Variants in BMAL1 observed in about 807,000 individuals in gnomAD.
BMAL1 encodes the protein basic helix-loop-helix ARNT like 1, also known as basic helix-loop-helix ARNT-like protein 1.
chr11:13,376,694 CCACAG>C, the BMAL1 span: 1 of 1,614,080 alleles, frequency 6.2e-7, no homozygotes, highest in Non-Finnish European at 8.5e-7. Context: ...CAGCATCCCC[CCACAG>C]CATGGACAGC....
the BMAL1 span, among the ~76,000 whole-genome samples, chr11:13,383,162 C>T: frequency 6.6e-6 from 1 of 152,132 alleles, no homozygotes; most frequent in Non-Finnish European, 1.5e-5. Flanking sequence ...AACCATTTAG[C>T]CTGCAGTTGT....
At chr11:13,355,084 A>G in the BMAL1 span, 1 of 637,754 alleles carries the variant, frequency 1.6e-6, no homozygotes, top group Non-Finnish European at 2.8e-6. Context: ...GCAGTGTAGA[A>G]TATTCAAAGG....
At chr11:13,372,848 AAAT>A in the BMAL1 span, among the ~76,000 whole-genome samples, 44 of 152,286 alleles carry the variant, frequency 2.9e-4, no homozygotes, top group East Asian at 8.5e-3. Flanking sequence ...CTCTGTTAAA[AAAT>A]GAGATTCAAT....
the BMAL1 span, among the ~76,000 whole-genome samples, chr11:13,281,753 A>G: frequency 2.0e-5 from 3 of 152,098 alleles, no homozygotes; most frequent in Admixed American, 1.3e-4. Context: ...CAAGTGACCC[A>G]CCTGCACTGG....
chr11:13,348,369 A>C, the BMAL1 span, among the ~76,000 whole-genome samples: 1 of 152,128 alleles, frequency 6.6e-6, no homozygotes, highest in African/African-American at 2.4e-5. Context: ...GGAACAGTGA[A>C]GCTATTGCAG....
chr11:13,372,720 G>A, the BMAL1 span, among the ~76,000 whole-genome samples: 4 of 152,220 alleles, frequency 2.6e-5, no homozygotes, highest in Non-Finnish European at 5.9e-5. Flanking sequence ...TGAAGCAGGA[G>A]GATCAGCTGA....
the BMAL1 span, among the ~76,000 whole-genome samples, chr11:13,341,472 A>G: frequency 6.6e-6 from 1 of 152,170 alleles, no homozygotes; most frequent in Admixed American, 6.5e-5. Flanking sequence ...CCCTGAGTCC[A>G]GCCCCTGCTG....
the BMAL1 span, chr11:13,277,634 C>G: frequency 6.6e-6 from 1 of 151,574 alleles, no homozygotes; most frequent in Non-Finnish European, 1.5e-5. Flanking sequence ...GGGACCGGCT[C>G]CCTTCGGGCG....
At chr11:13,346,887 G>C in the BMAL1 span, among the ~76,000 whole-genome samples, 1 of 152,162 alleles carries the variant, frequency 6.6e-6, no homozygotes, top group Admixed American at 6.5e-5. Context: ...GCCCACCCTC[G>C]GCAAGGATAC....
At chr11:13,284,098 GTGTGTGTGTGTGTATATATA>G in the BMAL1 span, among the ~76,000 whole-genome samples, 4 of 87,912 alleles carry the variant, frequency 4.6e-5, no homozygotes, top group African/African-American at 1.4e-4. Flanking sequence ...GTGTGTGTGT[GTGTGTGTGTGTGTATATATA>G]TGTGTGTGTG....
chr11:13,364,206 A>G, the BMAL1 span, among the ~76,000 whole-genome samples: 2 of 152,224 alleles, frequency 1.3e-5, no homozygotes, highest in African/African-American at 4.8e-5. Flanking sequence ...TGGTGCTTGG[A>G]AAGTTACTTC....
At chr11:13,314,655 C>T in the BMAL1 span, among the ~76,000 whole-genome samples, 2 of 152,284 alleles carry the variant, frequency 1.3e-5, no homozygotes, top group African/African-American at 4.8e-5. Context: ...ATGAGGTCCA[C>T]CCACCTTGGT....
chr11:13,376,755 G>T, the BMAL1 span: 1 of 1,606,200 alleles, frequency 6.2e-7, no homozygotes. Flanking sequence ...GGGGCCCTGG[G>T]GCTTGCCCGT....
the BMAL1 span, chr11:13,358,602 G>T: frequency 6.3e-7 from 1 of 1,578,772 alleles, no homozygotes. Context: ...GTGAGACCCT[G>T]GGCTCTATTG....
chr11:13,365,726 A>G, the BMAL1 span: 1 of 631,878 alleles, frequency 1.6e-6, no homozygotes, highest in East Asian at 2.9e-5. Context: ...CTTAACAGAT[A>G]AATTAATTTA....
At chr11:13,276,722 T>C in the BMAL1 span, 1 of 152,166 alleles carries the variant, frequency 6.6e-6, no homozygotes, top group Non-Finnish European at 1.5e-5. Flanking sequence ...TGTCCTTCTA[T>C]TCAGGGAGTT....
chr11:13,314,276 GTCTC>G, the BMAL1 span, among the ~76,000 whole-genome samples: 1 of 109,744 alleles, frequency 9.1e-6, no homozygotes, highest in African/African-American at 3.3e-5. Flanking sequence ...CACACACTCT[GTCTC>G]TCTCTCTCTG....
the BMAL1 span, among the ~76,000 whole-genome samples, chr11:13,346,726 C>T: frequency 2.7e-4 from 41 of 152,312 alleles, no homozygotes; most frequent in East Asian, 6.0e-3. Context: ...CTTTCTCTGG[C>T]GGTCCAGCAT....
the BMAL1 span, among the ~76,000 whole-genome samples, chr11:13,356,060 C>T: frequency 0.042 from 6,458 of 152,196 alleles, 209 homozygotes; most frequent in East Asian, 0.14. Flanking sequence ...CAGGATGCAA[C>T]GAAACTTGGT....
Sources: gnomAD v4.1 joint callset for allele counts (sites outside exome capture counted in the v4.1 genomes callset) on GRCh38, gnomAD v4.1.1 for gene constraint, MANE v1.5 for transcripts, NCBI Gene and HGNC (gene_info 2026-07-23, HGNC 2026-07-21) for gene names.